ANKFN1: variants seen among roughly 807,000 people sequenced by gnomAD.
ANKFN1 encodes the protein ankyrin repeat and fibronectin type-III domain-containing protein 1.
Under a neutral mutation model 108.7 loss-of-function variants are expected in ANKFN1, and 74 were observed. The observed-to-expected ratio is 0.68, with a 90% CI of 0.56 to 0.83. ANKFN1 has a LOEUF of 0.83. ANKFN1 is among the 40% of genes least tolerant of loss of function. ANKFN1 has a pLI of 0.00. For synonymous variants in ANKFN1, 547 were observed against 516.2 expected, an observed-to-expected ratio of 1.06 and a Z score of -0.81; for missense variants, 1,505 against 1,382.3, an observed-to-expected ratio of 1.09 and a Z score of -1.41.
chr17:56,377,383 C>A (rs1477342551), intron 8 of ANKFN1, among the ~76,000 whole-genome samples: 1 of 152,168 alleles, frequency 6.6e-6, no homozygotes, highest in Non-Finnish European at 1.5e-5. Flanking sequence ...CATCACAACT[C>A]GGAGATTAAA....
intron 6 of ANKFN1, among the ~76,000 whole-genome samples, chr17:56,360,874 G>T (rs1346709400): frequency 6.6e-6 from 1 of 152,082 alleles, no homozygotes; most frequent in Non-Finnish European, 1.5e-5. Context: ...GTTGTGTAAA[G>T]ATTATCATAA....
At chr17:56,448,660 TAG>T (rs1243795255) in intron 10 of ANKFN1, among the ~76,000 whole-genome samples, 3 of 152,208 alleles carry the variant, frequency 2.0e-5, no homozygotes, top group Admixed American at 6.5e-5. Flanking sequence ...GGATTTCATC[TAG>T]TCTGCACATT....
chr17:56,161,406 T>C (rs1567811084), intron 1 of ANKFN1, among the ~76,000 whole-genome samples: 1 of 152,208 alleles, frequency 6.6e-6, no homozygotes, highest in East Asian at 1.9e-4. Flanking sequence ...CGTATCCCAC[T>C]CTGTATTACT....
chr17:56,185,309 C>T (rs1293398223), intron 1 of ANKFN1, among the ~76,000 whole-genome samples: 1 of 152,068 alleles, frequency 6.6e-6, no homozygotes, highest in Non-Finnish European at 1.5e-5. Context: ...TAAATTTTTG[C>T]TGAATTTACT....
chr17:56,195,821 T>G (rs916511415), intron 1 of ANKFN1, among the ~76,000 whole-genome samples: 2 of 152,052 alleles, frequency 1.3e-5, no homozygotes, highest in African/African-American at 4.8e-5. Context: ...GATGTTCCCA[T>G]GTACTTAAAT....
chr17:56,293,048 TATTC>T (rs1460636972), intron 3 of ANKFN1, among the ~76,000 whole-genome samples: 12 of 152,254 alleles, frequency 7.9e-5, no homozygotes, highest in African/African-American at 2.9e-4. Context: ...TGACTTCACT[TATTC>T]ATTCAGAAAT....
intron 3 of ANKFN1, among the ~76,000 whole-genome samples, chr17:56,241,148 A>G (rs1254505651): frequency 2.0e-5 from 3 of 152,046 alleles, no homozygotes; most frequent in East Asian, 1.9e-4. Context: ...TTTTTTATCT[A>G]TATGAAAGTT....
At chr17:56,123,479 C>G (rs955621561) in intron 4 of ANKFN1, among the ~76,000 whole-genome samples, 2 of 152,114 alleles carry the variant, frequency 1.3e-5, no homozygotes, top group African/African-American at 4.8e-5. Flanking sequence ...GACCTGTGTT[C>G]GGCAGGTTTA....
chr17:56,210,588 T>C (rs192269326), intron 1 of ANKFN1, among the ~76,000 whole-genome samples: 116 of 151,664 alleles, frequency 7.6e-4, no homozygotes, highest in African/African-American at 2.8e-3. Flanking sequence ...GATAGGATTG[T>C]TTTTTTCTTG....
chr17:56,133,248 C>T (rs968361701), intron 4 of ANKFN1, among the ~76,000 whole-genome samples: 9 of 152,090 alleles, frequency 5.9e-5, no homozygotes, highest in Admixed American at 6.6e-5. Flanking sequence ...ATAGCCTTTC[C>T]TCAAGTGAAC....
intron 9 of ANKFN1, 133 bp downstream of exon 9, chr17:56,440,557 A>G (rs2049068752): frequency 6.6e-6 from 4 of 609,214 alleles, no homozygotes; most frequent in East Asian, 2.8e-5. Context: ...ATTAAGCATG[A>G]TATGTCTGGT....
intron 16 of ANKFN1, among the ~76,000 whole-genome samples, chr17:56,478,584 G>C (rs1427829020): frequency 6.6e-6 from 1 of 152,136 alleles, no homozygotes; most frequent in Admixed American, 6.5e-5. Flanking sequence ...CTTTGGGAAA[G>C]TTGCCCAATC....
intron 14 of ANKFN1, among the ~76,000 whole-genome samples, chr17:56,460,385 A>G (rs1373386389): frequency 2.0e-5 from 3 of 152,096 alleles, no homozygotes; most frequent in Non-Finnish European, 2.9e-5. Context: ...CCTGGGAGGC[A>G]GAGGTTGCAG....
At chr17:56,274,036 T>C (rs2043855250) in intron 3 of ANKFN1, among the ~76,000 whole-genome samples, 1 of 152,190 alleles carries the variant, frequency 6.6e-6, no homozygotes, top group Non-Finnish European at 1.5e-5. Flanking sequence ...CATTGACTCT[T>C]AGCATGTCAC....
At chr17:56,059,085 C>T (rs1252878022) in intron 4 of ANKFN1, among the ~76,000 whole-genome samples, 1 of 152,198 alleles carries the variant, frequency 6.6e-6, no homozygotes, top group African/African-American at 2.4e-5. Flanking sequence ...CCCACAGCCT[C>T]ACCAGCATCT....
intron 1 of ANKFN1, among the ~76,000 whole-genome samples, chr17:56,154,930 A>G (rs990265009): frequency 6.6e-6 from 1 of 152,166 alleles, no homozygotes; most frequent in Non-Finnish European, 1.5e-5. Flanking sequence ...AACTTCGACC[A>G]TACTATTTCA....
At chr17:56,298,970 A>G (rs2044596273) in intron 3 of ANKFN1, among the ~76,000 whole-genome samples, 1 of 152,204 alleles carries the variant, frequency 6.6e-6, no homozygotes, top group Non-Finnish European at 1.5e-5. Flanking sequence ...ACCAGCTTAG[A>G]CTGGAACAGT....
chr17:56,497,217 C>T (rs1326596905), intron 19 of ANKFN1, among the ~76,000 whole-genome samples: 1 of 152,116 alleles, frequency 6.6e-6, no homozygotes. Context: ...CTGGGATTCC[C>T]ACTTTGGCTT....
At chr17:56,064,280 G>T (rs1481686134) in intron 4 of ANKFN1, among the ~76,000 whole-genome samples, 1 of 152,200 alleles carries the variant, frequency 6.6e-6, no homozygotes, top group African/African-American at 2.4e-5. Flanking sequence ...TGCTGTGCTG[G>T]GGGAAAACCC....
Sources: allele counts gnomAD v4.1 joint callset (sites outside exome capture counted in the v4.1 genomes callset), GRCh38; gene constraint gnomAD v4.1.1; transcripts MANE v1.5; gene names NCBI Gene and HGNC (gene_info 2026-07-23, HGNC 2026-07-21).